The following PCDHGB4 variants were observed in gnomAD, a reference collection of about 807,000 sequenced individuals.
The protein encoded by PCDHGB4 is protocadherin gamma-B4.
Under a neutral mutation model 60.5 loss-of-function variants are expected in PCDHGB4, and 38 were observed. The observed-to-expected ratio is 0.63, with a 90% CI of 0.48 to 0.82. The LOEUF is 0.82. Ranked by LOEUF, PCDHGB4 falls within the 40% of genes least tolerant of loss-of-function variation. The probability of loss-of-function intolerance (pLI) is 0.00; values close to 1 mark genes in which losing one functional copy is unlikely to be tolerated. For synonymous variants in PCDHGB4, 456 were observed against 509.7 expected (o/e 0.89, Z 1.42); for missense variants, 1,109 against 1,209.6 (o/e 0.92, Z 1.23).
At chr5:141,420,036 G>A (rs1370492350) in intron 1 of PCDHGB4, 1 of 1,614,078 alleles carries the variant, frequency 6.2e-7, no homozygotes. Flanking sequence ...GCAGGAGACT[G>A]CTTTGAGTCA....
chr5:141,430,048 A>G (rs2097258677), intron 1 of PCDHGB4, among the ~76,000 whole-genome samples: 1 of 152,222 alleles, frequency 6.6e-6, no homozygotes, highest in African/African-American at 2.4e-5. Flanking sequence ...AATGTATACA[A>G]TCACATATCA....
chr5:141,427,034 A>G (rs762633589), intron 1 of PCDHGB4: 7 of 457,110 alleles, frequency 1.5e-5, no homozygotes, highest in Non-Finnish European at 2.6e-5. Flanking sequence ...TCAGCCTTAG[A>G]GAGAATGTGC....
chr5:141,418,126 A>G (rs2096226975), intron 1 of PCDHGB4: 3 of 1,613,994 alleles, frequency 1.9e-6, no homozygotes, highest in Non-Finnish European at 2.5e-6. Context: ...TGAAGGACCG[A>G]ATAGACCGTG....
At chr5:141,508,983 C>T (rs532410967) in intron 3 of PCDHGB4, among the ~76,000 whole-genome samples, 44 of 152,148 alleles carry the variant, frequency 2.9e-4, no homozygotes, top group Non-Finnish European at 4.4e-4. Flanking sequence ...GGGGTGGGGG[C>T]CAGCTGGGGT....
At chr5:141,413,056 T>A in intron 1 of PCDHGB4, 1 of 1,030,200 alleles carries the variant, frequency 9.7e-7, no homozygotes, top group East Asian at 2.6e-5. Flanking sequence ...GGAAGCTCAC[T>A]CCAGAATTTA....
chr5:141,394,809 G>C (rs1346374248), intron 1 of PCDHGB4: 1 of 1,613,892 alleles, frequency 6.2e-7, no homozygotes, highest in Non-Finnish European at 8.5e-7. Flanking sequence ...AGCCGTGGCT[G>C]ACAGCATCCC....
Position 141,475,871 on chromosome 5 carries a change from A to C in PCDHGB4, c.2398-18936A>C, listed in dbSNP as rs568810142. 35 of 513,270 alleles carry C rather than the reference A, an allele frequency of 6.8e-5. No individual in the cohort carries two copies. The East Asian group carries it at 1.1e-3, about 16-fold the overall frequency. The allele number at this position is 513,270 out of a possible 1,614,324, so 31.8% of individuals were successfully genotyped here. The stretch of plus-strand genomic sequence containing the variant: ...CCCGGCGCTAGCTCATTCTTCGTGC[A>C]GTTATTGGCTGGGACTCTGTGTGCC... On this transcript the variant is annotated intron_variant, in intron 1 of 3. Transcript: ENST00000519479.
At position 141,410,026 on chromosome 5, in the gene PCDHGB4, G is replaced by A. The variant is rs571122351; in HGVS notation, c.2397+19745G>A. 37 of 1,613,302 alleles carry A rather than the reference G, an allele frequency of 2.3e-5. 2 individuals carry two copies. The East Asian group carries it at 8.0e-4, about 35-fold the overall frequency. On this transcript the variant is annotated intron_variant, in intron 1 of 3. Coordinates refer to ENST00000519479, the MANE Select transcript of PCDHGB4 (RefSeq NM_003736.4). ...ACAACGCCTGGCTGTCCTACCACGTGCTGCAGGCCAGTGAGCCCGGACTCT... is the reference window on the plus strand; with the variant it reads ...ACAACGCCTGGCTGTCCTACCACGTACTGCAGGCCAGTGAGCCCGGACTCT...
At position 141,388,085 on chromosome 5, in the gene PCDHGB4, C is replaced by G; in HGVS notation, c.201C>G (p.Arg67=). ...AGGAGTTACCGACTCGAAAACTGCG[C>G]GTCAGTTCGGAGAAGCCTTACTTCA... ...SVQELPTRKL[R]VSSEKPYFTV... The change falls in exon 1 of 4, where the codon CGC becomes CGG. Residue 67 remains arginine, a synonymous_variant. Transcript: ENST00000519479. 1 of 1,363,472 alleles carries G rather than the reference C, an allele frequency of 7.3e-7. No individual in the cohort carries two copies. Among genetic ancestry groups the G allele is most frequent in the Non-Finnish European group, 1.0e-6 (1 of 989,896 alleles). The allele number at this position is 1,363,472 out of a possible 1,614,324, so 84.5% of individuals were successfully genotyped here.
At position 141,406,382 on chromosome 5, in the gene PCDHGB4, G is replaced by A. The variant is rs189693155; in HGVS notation, c.2397+16101G>A. Reference sequence around the variant, plus strand: ...TTTGTAAGGGTAAACTGATAAAAAGGTAAATGTATTCTTCTTAGAGAAACA... The same window carrying A: ...TTTGTAAGGGTAAACTGATAAAAAGATAAATGTATTCTTCTTAGAGAAACA... On this transcript the variant is annotated intron_variant, in intron 1 of 3. Transcript: ENST00000519479. Among the ~76,000 whole-genome samples, 63 of 152,232 alleles carry A rather than the reference G, an allele frequency of 4.1e-4. 1 individual carries two copies. Among genetic ancestry groups the A allele is most frequent in the African/African-American group, 1.4e-3 (60 of 41,554 alleles).
chr5:141,426,590 C>T (rs2096945493), intron 1 of PCDHGB4: 1 of 369,282 alleles, frequency 2.7e-6, no homozygotes, highest in East Asian at 7.4e-5. Context: ...TCCTCTGTGT[C>T]ATACCCTTAG....
intron 1 of PCDHGB4, chr5:141,414,917 T>A: frequency 6.2e-7 from 1 of 1,614,148 alleles, no homozygotes; most frequent in Non-Finnish European, 8.5e-7. Context: ...GGCGTGGAGC[T>A]GGCGCCCCGC....
At chr5:141,497,018 A>G (rs988584487) in intron 2 of PCDHGB4, among the ~76,000 whole-genome samples, 1 of 152,084 alleles carries the variant, frequency 6.6e-6, no homozygotes, top group Non-Finnish European at 1.5e-5. Flanking sequence ...GTGAAACCCC[A>G]TCTCGATTAA....
At chr5:141,410,847 G>GTTTT (rs773839667) in intron 1 of PCDHGB4, 2 of 158,344 alleles carry the variant, frequency 1.3e-5, no homozygotes, top group African/African-American at 1.7e-4. Context: ...TTTTGTCTTT[G>GTTTT]TCTTTTTTTT....
chr5:141,415,123 G>A (rs1349224471), intron 1 of PCDHGB4: 3 of 1,613,540 alleles, frequency 1.9e-6, no homozygotes, highest in African/African-American at 1.3e-5. Context: ...CGTAGTGGCC[G>A]TCCAGGACCA....
At position 141,491,422 on chromosome 5, in the gene PCDHGB4, G is replaced by T. The variant is rs1413549196; in HGVS notation, c.2398-3385G>T. 1 of 1,614,112 alleles carries T rather than the reference G, an allele frequency of 6.2e-7. No homozygotes were observed. The stretch of plus-strand genomic sequence containing the variant: ...AAACGCAGACGGGGACGGGGGTGGA[G>T]GGCAGTGCTGCAGGCGCCAGGACTC... On this transcript the variant is annotated intron_variant, in intron 1 of 3. Coordinates refer to ENST00000519479, the MANE Select transcript of PCDHGB4 (RefSeq NM_003736.4). The surrounding 1 kb of genome is among the most constrained non-coding windows in gnomAD (Gnocchi z 6.9).
At chr5:141,459,831 G>A (rs907978430) in intron 1 of PCDHGB4, among the ~76,000 whole-genome samples, 1 of 152,150 alleles carries the variant, frequency 6.6e-6, no homozygotes, top group Admixed American at 6.6e-5. Context: ...CTTTTCATGT[G>A]TTGTCTATTT....
chr5:141,415,502 A>T, intron 1 of PCDHGB4: 1 of 1,614,204 alleles, frequency 6.2e-7, no homozygotes, highest in African/African-American at 1.3e-5. Flanking sequence ...ATCTTCCCCC[A>T]GCCCAATTAT....
chr5:141,408,869 AG>A, intron 1 of PCDHGB4: 1 of 1,613,690 alleles, frequency 6.2e-7, no homozygotes, highest in Non-Finnish European at 8.5e-7. Context: ...CCCACCAAGA[AG>A]TGCCACCGCT....
Sources: gnomAD v4.1 joint callset for allele counts (sites outside exome capture counted in the v4.1 genomes callset) on GRCh38, gnomAD v4.1.1 for gene constraint, Gnocchi (gnomAD v3.1) non-coding constraint, MANE v1.5 for transcripts, NCBI Gene and HGNC (gene_info 2026-07-23, HGNC 2026-07-21) for gene names.